PLD5: variants seen among roughly 807,000 people sequenced by gnomAD.
PLD5 encodes inactive phospholipase D5.
A neutral mutation model predicts 61.1 loss-of-function variants in PLD5; 36 were observed. That is an observed-to-expected ratio of 0.59 (90% CI 0.45 to 0.78). The LOEUF (loss-of-function observed/expected upper bound fraction) is 0.78, where lower values mean the gene tolerates loss of function less well. Ranked by LOEUF, PLD5 falls within the 30% of genes least tolerant of loss-of-function variation. The pLI is 0.00. For synonymous variants in PLD5, 243 were observed against 242.8 expected (o/e 1.00, Z -0.01); for missense variants, 515 against 644.4 (o/e 0.80, Z 2.17).
At chr1:242,131,209 G>A (rs924835533) in intron 5 of PLD5, among the ~76,000 whole-genome samples, 1 of 152,166 alleles carries the variant, frequency 6.6e-6, no homozygotes, top group Non-Finnish European at 1.5e-5. Context: ...GGGAGGCTGA[G>A]GCAGGAGAAT....
intron 4 of PLD5, among the ~76,000 whole-genome samples, chr1:242,234,748 T>C (rs1671527889): frequency 6.6e-6 from 1 of 152,004 alleles, no homozygotes; most frequent in South Asian, 2.1e-4. Flanking sequence ...TTTCCTCTGG[T>C]TTCTTCCTTT....
At chr1:242,407,234 T>C (rs1466862012) in intron 1 of PLD5, among the ~76,000 whole-genome samples, 3 of 151,932 alleles carry the variant, frequency 2.0e-5, no homozygotes, top group Non-Finnish European at 4.4e-5. Context: ...CCTCCTTCAT[T>C]TTCCGTCACG....
intron 1 of PLD5, among the ~76,000 whole-genome samples, chr1:242,486,785 A>G (rs1667977071): frequency 6.6e-6 from 1 of 152,172 alleles, no homozygotes. Context: ...GGCACTATTC[A>G]CAATAGCAAA....
chr1:242,487,132 A>G (rs1347643834), intron 1 of PLD5, among the ~76,000 whole-genome samples: 1 of 152,192 alleles, frequency 6.6e-6, no homozygotes, highest in Non-Finnish European at 1.5e-5. Flanking sequence ...TAATGGGTGC[A>G]GCACACCAAC....
At chr1:242,391,202 A>G (rs1163975416) in intron 1 of PLD5, among the ~76,000 whole-genome samples, 3 of 152,172 alleles carry the variant, frequency 2.0e-5, no homozygotes, top group Non-Finnish European at 4.4e-5. Flanking sequence ...CTCAAAAAAA[A>G]GAAAAAGTTG....
chr1:242,318,539 G>A (rs1658172087), intron 2 of PLD5, among the ~76,000 whole-genome samples: 1 of 152,152 alleles, frequency 6.6e-6, no homozygotes, highest in African/African-American at 2.4e-5. Flanking sequence ...CTTGGTTCCT[G>A]GAACCATCTC....
At chr1:242,517,653 T>C (rs1259583492) in intron 1 of PLD5, among the ~76,000 whole-genome samples, 1 of 152,214 alleles carries the variant, frequency 6.6e-6, no homozygotes, top group Non-Finnish European at 1.5e-5. Flanking sequence ...CTATTAATAG[T>C]TTGCATTTTT....
chr1:242,280,754 A>T lies in PLD5; in HGVS notation c.495+7608T>A, dbSNP rs575851571. Among the ~76,000 whole-genome samples the T allele has an allele frequency of 4.6e-5, 7 of 152,358 alleles. No homozygotes were observed. In the South Asian group the frequency reaches 1.4e-3, roughly 32 times the overall value. On this transcript the variant is annotated intron_variant, in intron 3 of 9. Coordinates refer to ENST00000536534, the MANE Select transcript of PLD5 (RefSeq NM_001372062.1). ...TTTCTTGGGTTAAAAAAAATTGTTA[A>T]GAAATTTTAATTAAATATTCCATGT...
At position 242,089,629 on chromosome 1, in the gene PLD5, C is replaced by G; in HGVS notation, c.*225G>C. The G allele has an allele frequency of 1.7e-6, 1 of 588,568 alleles. No individual in the cohort carries two copies. The highest frequency in any genetic ancestry group is 2.9e-6 in the Non-Finnish European group (1 of 346,776). The allele number at this position is 588,568 out of a possible 1,614,324, so 36.5% of individuals were successfully genotyped here. A position where few individuals can be genotyped will look rare whatever the true frequency, so the allele number is the denominator to read the frequency against. On this transcript the variant is annotated 3_prime_UTR_variant, in exon 10 of 10. Coordinates refer to ENST00000536534, the MANE Select transcript of PLD5 (RefSeq NM_001372062.1). Reference sequence around the variant, plus strand: ...GCAAACGTAAAAACTAACTTCTACGCCAGAATGACATTCTCTGTCAGAGGT... The same window carrying G: ...GCAAACGTAAAAACTAACTTCTACGGCAGAATGACATTCTCTGTCAGAGGT...
chr1:242,183,126 G>A (rs1667628093), intron 5 of PLD5, among the ~76,000 whole-genome samples: 1 of 152,152 alleles, frequency 6.6e-6, no homozygotes. Context: ...TTTATTAAAA[G>A]TATGATTTCT....
intron 1 of PLD5, among the ~76,000 whole-genome samples, chr1:242,517,890 G>T (rs921902492): frequency 1.3e-5 from 2 of 151,874 alleles, no homozygotes; most frequent in Admixed American, 6.6e-5. Flanking sequence ...TTTGCCAATT[G>T]GTATTTTTTT....
intron 1 of PLD5, among the ~76,000 whole-genome samples, chr1:242,426,309 TA>T (rs56996310): frequency 0.11 from 13,228 of 119,924 alleles, 725 homozygotes; most frequent in African/African-American, 0.18. Context: ...CGTTTCCAGT[TA>T]AAAAAAAAAA....
intron 5 of PLD5, among the ~76,000 whole-genome samples, chr1:242,146,183 A>G (rs1314608150): frequency 6.6e-6 from 1 of 151,996 alleles, no homozygotes; most frequent in African/African-American, 2.4e-5. Flanking sequence ...TGAGTTTTTA[A>G]AGACTTCTTA....
At chr1:242,291,582 G>A (rs368019598) in intron 2 of PLD5, among the ~76,000 whole-genome samples, 33 of 152,092 alleles carry the variant, frequency 2.2e-4, no homozygotes, top group South Asian at 8.3e-4. Context: ...CGAGGCGGGC[G>A]GATCATGAGG....
At chr1:242,442,333 C>T (rs554872136) in intron 1 of PLD5, among the ~76,000 whole-genome samples, 2 of 152,278 alleles carry the variant, frequency 1.3e-5, no homozygotes, top group East Asian at 3.9e-4. Context: ...CTCTCAAATT[C>T]CGCCACTGCT....
intron 4 of PLD5, among the ~76,000 whole-genome samples, chr1:242,241,146 A>G (rs940483652): frequency 3.9e-5 from 6 of 152,214 alleles, no homozygotes; most frequent in African/African-American, 1.2e-4. Flanking sequence ...ACCGTTCTAC[A>G]GAAAGGTATG....
chr1:242,470,818 CT>C (rs919403183), intron 1 of PLD5, among the ~76,000 whole-genome samples: 8 of 152,222 alleles, frequency 5.3e-5, no homozygotes, highest in Non-Finnish European at 1.0e-4. Context: ...TTTCCTGCCC[CT>C]GTCTTCTTTC....
At chr1:242,443,196 T>C (rs1430874071) in intron 1 of PLD5, among the ~76,000 whole-genome samples, 1 of 152,210 alleles carries the variant, frequency 6.6e-6, no homozygotes, top group Admixed American at 6.5e-5. Flanking sequence ...ATCTATCTCT[T>C]AAGACACTTT....
intron 5 of PLD5, among the ~76,000 whole-genome samples, chr1:242,164,794 T>C (rs971852815): frequency 5.3e-5 from 8 of 152,212 alleles, no homozygotes; most frequent in African/African-American, 1.4e-4. Flanking sequence ...AGTATACAGT[T>C]GCTTAGCACT....
Sources: gnomAD v4.1 joint callset for allele counts (sites outside exome capture counted in the v4.1 genomes callset) on GRCh38, gnomAD v4.1.1 for gene constraint, MANE v1.5 for transcripts, NCBI Gene and HGNC (gene_info 2026-07-23, HGNC 2026-07-21) for gene names.